ANK1: variants seen among roughly 807,000 people sequenced by gnomAD.
ANK1 encodes the protein ankyrin 1, also known as ankyrin-1.
In ANK1, 51 loss-of-function variants were observed where a neutral mutation model predicts 210.4. The observed-to-expected ratio is 0.24, with a 90% CI of 0.19 to 0.31. The LOEUF (loss-of-function observed/expected upper bound fraction) is 0.31. Ranked by LOEUF, ANK1 falls within the 10% of genes least tolerant of loss-of-function variation. ANK1 has a pLI of 1.00. For synonymous variants in ANK1, 967 were observed against 1,025.9 expected, an observed-to-expected ratio of 0.94 and a Z score of 1.10; for missense variants, 2,051 against 2,504.4, an observed-to-expected ratio of 0.82 and a Z score of 3.86.
chr8:41,883,162 C>T (rs956263946), intron 1 of ANK1, among the ~76,000 whole-genome samples: 3 of 152,184 alleles, frequency 2.0e-5, no homozygotes, highest in Non-Finnish European at 4.4e-5. Context: ...TGTGTGGCCC[C>T]GGGCACTTCA....
chr8:41,688,729 A>C, intron 33 of ANK1, 140 bp from the exon 34 acceptor site: 1 of 768,748 alleles, frequency 1.3e-6, no homozygotes. Context: ...TCAGGGACTT[A>C]ACACAAAGAG....
At chr8:41,698,399 C>A (rs969688652) in intron 23 of ANK1, among the ~76,000 whole-genome samples, 1 of 152,204 alleles carries the variant, frequency 6.6e-6, no homozygotes, top group Non-Finnish European at 1.5e-5. Context: ...ACTTGGTGTG[C>A]ATTTCGATCC....
At chr8:41,659,468 T>C (rs57559291) in intron 42 of ANK1, among the ~76,000 whole-genome samples, 9,908 of 152,248 alleles carry the variant, frequency 0.065, 991 homozygotes, top group African/African-American at 0.22. Context: ...AGATAAATGT[T>C]AGCGAGTGGA....
upstream of ANK1, among the ~76,000 whole-genome samples, chr8:41,801,599 T>C (rs917982195): frequency 6.6e-6 from 1 of 152,214 alleles, no homozygotes; most frequent in Admixed American, 6.5e-5. Flanking sequence ...TTTATTTGCA[T>C]TTCCATGATT....
rs1811273852 is a variant in ANK1, at chr8:41,668,571, T to C, written c.5097-7A>G. 5 of 1,609,018 alleles carry C rather than the reference T, an allele frequency of 3.1e-6. No homozygotes were observed. The highest frequency in any genetic ancestry group is 1.1e-5 in the South Asian group (1 of 90,936). ...TGCATCCCAGTCCTGCAGTCTGGGG[T>C]CCAGAAGAAGCAGCAGATGGCCGGC... is the stretch of plus-strand genomic sequence containing the variant. On this transcript the variant is annotated splice_region_variant and splice_polypyrimidine_tract_variant and intron_variant, in intron 38 of 42. Transcript: ENST00000289734.
intron 1 of ANK1, among the ~76,000 whole-genome samples, chr8:41,783,578 C>A (rs1305424217): frequency 6.6e-6 from 1 of 151,942 alleles, no homozygotes; most frequent in Non-Finnish European, 1.5e-5. Flanking sequence ...TGATCAAGGT[C>A]TCTCCAACAA....
chr8:41,768,753 G>A (rs190085988), intron 1 of ANK1, among the ~76,000 whole-genome samples: 1 of 151,002 alleles, frequency 6.6e-6, no homozygotes, highest in Non-Finnish European at 1.5e-5. Flanking sequence ...CTTGAGGCCA[G>A]GAGTTCAAGA....
chr8:41,835,214 A>G (rs534463960), intron 1 of ANK1, among the ~76,000 whole-genome samples: 14 of 152,218 alleles, frequency 9.2e-5, no homozygotes, highest in Non-Finnish European at 1.9e-4. Flanking sequence ...ACACTTTGGG[A>G]CGCTGAGGCA....
chr8:41,822,412 C>T (rs1017985977), intron 1 of ANK1, among the ~76,000 whole-genome samples: 1 of 152,186 alleles, frequency 6.6e-6, no homozygotes, highest in Non-Finnish European at 1.5e-5. Context: ...AGTACAATCT[C>T]TAAACTTTTA....
intron 2 of ANK1, among the ~76,000 whole-genome samples, chr8:41,749,957 C>G (rs1837280598): frequency 1.3e-5 from 2 of 152,216 alleles, no homozygotes; most frequent in Admixed American, 1.3e-4. Context: ...CAAAGTCATA[C>G]AGCATAAGAT....
intron 1 of ANK1, among the ~76,000 whole-genome samples, chr8:41,894,102 C>G (rs1728493063): frequency 6.6e-6 from 1 of 152,158 alleles, no homozygotes. Flanking sequence ...GCTGAGAAAA[C>G]TCACAGCCCT....
intron 22 of ANK1, chr8:41,700,459 A>G: frequency 6.2e-7 from 1 of 1,613,666 alleles, no homozygotes; most frequent in Non-Finnish European, 8.5e-7. Flanking sequence ...CAGTTCCTGG[A>G]AAGCAAAGGA....
chr8:41,698,181 T>G, intron 23 of ANK1, 60 bp from the exon 24 acceptor site: 1 of 1,559,994 alleles, frequency 6.4e-7, no homozygotes, highest in Non-Finnish European at 8.8e-7. Context: ...ACAGCTCCTC[T>G]TCCTCTTGCC....
In ANK1 at chr8:41,690,498, C is replaced by A. The variant is rs767428025; in HGVS notation, c.3960G>T (p.Glu1320Asp). The A allele has an allele frequency of 6.2e-7, 1 of 1,614,206 alleles. No homozygotes were observed. Among genetic ancestry groups the A allele is most frequent in the South Asian group, 1.1e-5 (1 of 91,080 alleles). ...CCTTTACAGGCATGGCCAGACGGTT[C>A]TCCCGAAATGACTGGAAGTGGAAGC... is the stretch of plus-strand genomic sequence containing the variant. ...QRSFHFQSFR[E>D]NRLAMPVKVR... Residue 1320 changes from glutamate to aspartate, a missense_variant, in exon 32 of 43, where the codon GAG becomes GAT. By Grantham distance (45) the Glu-to-Asp change is conservative. This residue lies in a region of ANK1 where 1,413 missense variants were observed against 1,707.4 expected (regional missense o/e 0.83). Transcript: ENST00000289734.
chr8:41,723,852 C>T (rs1438117534), intron 7 of ANK1, among the ~76,000 whole-genome samples: 25 of 149,962 alleles, frequency 1.7e-4, no homozygotes, highest in African/African-American at 2.2e-4. Context: ...TGCAGTGGCG[C>T]GATCTCGACT....
At chr8:41,802,999 A>AAGAAAGAAAGAG (rs1563809943) in intron 1 of ANK1, among the ~76,000 whole-genome samples, 1 of 49,122 alleles carries the variant, frequency 2.0e-5, no homozygotes, top group Non-Finnish European at 3.7e-5. Context: ...GAAAGAGAGA[A>AAGAAAGAAAGAG]AGAAAGAAAG....
At chr8:41,890,413 C>T (rs1819187652) in intron 1 of ANK1, among the ~76,000 whole-genome samples, 1 of 152,162 alleles carries the variant, frequency 6.6e-6, no homozygotes, top group African/African-American at 2.4e-5. Flanking sequence ...CTCAAAAAAA[C>T]AAACACTGGC....
Position 41,717,015 on chromosome 8 carries a change from C to T in ANK1, c.1342G>A (p.Gly448Arg), listed in dbSNP as rs375056306. 27 of 1,614,098 alleles carry T rather than the reference C, an allele frequency of 1.7e-5. 1 individual carries two copies. The Admixed American group carries it at 3.7e-4, about 22-fold the overall frequency. The change falls in exon 13 of 43, where the codon GGG becomes AGG. Residue 448 changes from glycine to arginine, a missense_variant. Around this residue, in one of 6 missense-constraint regions of ANK1, gnomAD observed 1,413 missense variants for 1,707.4 expected, o/e 0.83. Transcript: ENST00000289734. ...AAATATTTGGCCACTTCCGTGTGCC[C>T]GGCTCTGGCTGCCATGTGTAGCGGG... is the stretch of plus-strand genomic sequence containing the variant. The part of the protein sequence containing the change: ...ETPLHMAARA[G>R]HTEVAKYLLQ...
chr8:41,817,822 A>T (rs1315064119), intron 1 of ANK1, among the ~76,000 whole-genome samples: 1 of 152,240 alleles, frequency 6.6e-6, no homozygotes, highest in African/African-American at 2.4e-5. Context: ...TGAACCATGA[A>T]TGCATGAGGC....
Sources: allele counts gnomAD v4.1 joint callset (sites outside exome capture counted in the v4.1 genomes callset), GRCh38; gene constraint gnomAD v4.1.1; regional missense constraint gnomAD v4.1.1; transcripts MANE v1.5; gene names NCBI Gene and HGNC (gene_info 2026-07-23, HGNC 2026-07-21).